The following LRRC7 variants were observed in gnomAD, a reference collection of about 807,000 sequenced individuals.
The protein encoded by LRRC7 is leucine rich repeat containing 7, also known as leucine-rich repeat-containing protein 7.
LRRC7 carries 23 observed loss-of-function variants against 175.7 expected under a neutral mutation model. The observed-to-expected ratio is 0.13, with a 90% CI of 0.09 to 0.19. LRRC7 has a LOEUF of 0.19. LRRC7 is among the 10% of genes least tolerant of loss of function. The pLI is 1.00. For synonymous variants in LRRC7, 685 were observed against 680.9 expected, an observed-to-expected ratio of 1.01 and a Z score of -0.09; for missense variants, 1,354 against 1,904.7, an observed-to-expected ratio of 0.71 and a Z score of 5.38.
At chr1:69,738,453 C>A (rs1051038899) in intron 2 of LRRC7, among the ~76,000 whole-genome samples, 2 of 151,940 alleles carry the variant, frequency 1.3e-5, no homozygotes, top group African/African-American at 2.4e-5. Flanking sequence ...TCTTTTTACT[C>A]CTTTCCTTGT....
chr1:69,806,928 T>A (rs1005861333), intron 4 of LRRC7, among the ~76,000 whole-genome samples: 5 of 152,004 alleles, frequency 3.3e-5, no homozygotes, highest in African/African-American at 1.2e-4. Context: ...AGGAGGCATC[T>A]CTTCTTACTT....
intron 8 of LRRC7, among the ~76,000 whole-genome samples, chr1:69,971,780 T>G (rs1652260552): frequency 6.6e-6 from 1 of 152,022 alleles, no homozygotes; most frequent in Non-Finnish European, 1.5e-5. Context: ...ATCCTAAAAT[T>G]CATATGGAAC....
intron 11 of LRRC7, among the ~76,000 whole-genome samples, chr1:69,996,759 T>G (rs1440236317): frequency 6.6e-6 from 1 of 151,838 alleles, no homozygotes; most frequent in Non-Finnish European, 1.5e-5. Context: ...TTGATCTATA[T>G]CTCTGTTTTG....
intron 2 of LRRC7, among the ~76,000 whole-genome samples, chr1:69,709,220 T>C (rs1326733282): frequency 6.6e-6 from 1 of 152,240 alleles, no homozygotes; most frequent in Non-Finnish European, 1.5e-5. Flanking sequence ...TTCTCCTTCA[T>C]GTCACAGTTC....
At chr1:69,708,133 T>C (rs956657562) in intron 2 of LRRC7, among the ~76,000 whole-genome samples, 1 of 152,160 alleles carries the variant, frequency 6.6e-6, no homozygotes, top group South Asian at 2.1e-4. Context: ...CTGATGTCCA[T>C]CAGCACCCTT....
chr1:70,046,192 G>A (rs922920758), intron 22 of LRRC7, among the ~76,000 whole-genome samples: 24 of 152,020 alleles, frequency 1.6e-4, no homozygotes, highest in African/African-American at 5.6e-4. Flanking sequence ...TACAGTATCT[G>A]AAAATGCCAA....
chr1:69,678,644 T>C (rs959213612), intron 2 of LRRC7, among the ~76,000 whole-genome samples, 166 bp downstream of exon 2: 1 of 152,146 alleles, frequency 6.6e-6, no homozygotes, highest in Admixed American at 6.6e-5. Context: ...TGTAAGTGCT[T>C]ACTTAGAACA....
chr1:69,811,609 T>C (rs1016747947), intron 4 of LRRC7, among the ~76,000 whole-genome samples: 18 of 152,182 alleles, frequency 1.2e-4, no homozygotes, highest in Non-Finnish European at 2.5e-4. Flanking sequence ...GATAAGTTCA[T>C]GTCCTTTGCC....
intron 2 of LRRC7, among the ~76,000 whole-genome samples, chr1:69,741,446 G>T (rs553475265): frequency 6.6e-6 from 1 of 151,800 alleles, no homozygotes; most frequent in Non-Finnish European, 1.5e-5. Context: ...GAAAAGAAGA[G>T]AAAATGAAAA....
At position 69,613,405 on chromosome 1, in the gene LRRC7, T is replaced by C. The variant is rs549520455; in HGVS notation, c.2+44764T>C. On this transcript the variant is annotated intron_variant, in intron 1 of 26. Transcript: ENST00000651989. ...ACCTCTAGATATTAGTATCATTACA[T>C]TGGGGGTGAGGATTTCAACATATGA... 3.5e-4 allele frequency among the ~76,000 whole-genome samples: 54 copies of C among 152,142 alleles called. No individual in the cohort carries two copies. In the South Asian group the frequency reaches 8.3e-3, roughly 23 times the overall value.
intron 1 of LRRC7, chr1:69,607,304 C>T (rs1357895433): frequency 1.3e-5 from 2 of 152,050 alleles, no homozygotes; most frequent in African/African-American, 4.8e-5. Context: ...CACTAGGGCT[C>T]ATCTCAGACT....
rs1261138806 is a variant in LRRC7 at position 69,754,150 on chromosome 1, A to C, written c.101-6041A>C. ...ATATCGTACTTGGTAGGTCATAGGAAAAATTTTGGACTTTACTTTGAGGAC... is the reference window on the plus strand; with the variant it reads ...ATATCGTACTTGGTAGGTCATAGGACAAATTTTGGACTTTACTTTGAGGAC... On this transcript the variant is annotated intron_variant, in intron 2 of 26. Coordinates refer to ENST00000651989, the MANE Select transcript of LRRC7 (RefSeq NM_001370785.2). 2.6e-5 allele frequency among the ~76,000 whole-genome samples: 4 copies of C among 152,190 alleles called. 1 individual carries two copies. Among genetic ancestry groups the C allele is most frequent in the Admixed American group, 6.6e-5 (1 of 15,248 alleles).
intron 1 of LRRC7, among the ~76,000 whole-genome samples, chr1:69,614,665 C>T (rs1649339467): frequency 6.6e-6 from 1 of 152,024 alleles, no homozygotes; most frequent in South Asian, 2.1e-4. Context: ...CCTTTCTTGG[C>T]ACTGATTTAC....
chr1:69,784,230 A>G (rs1200645725), intron 3 of LRRC7, among the ~76,000 whole-genome samples: 1 of 152,218 alleles, frequency 6.6e-6, no homozygotes, highest in Non-Finnish European at 1.5e-5. Context: ...TTGTAAAAGC[A>G]TAAACAGAAG....
chr1:70,039,392 C>T lies in LRRC7; in HGVS notation c.3568C>T (p.Leu1190=). ...RYGRPPYRGG[L]DRQSSVTVTE... ...CGGCAGACCCCCATATAGGGGAGGG[C>T]TGGATCGCCAAAGCAGCGTTACAGT... The change falls in exon 21 of 27, where the codon CTG becomes TTG. Residue 1190 remains leucine, a synonymous_variant. Coordinates refer to ENST00000651989, the MANE Select transcript of LRRC7 (RefSeq NM_001370785.2). 1 of 1,614,076 alleles carries T rather than the reference C, an allele frequency of 6.2e-7. No individual in the cohort carries two copies. The highest frequency in any genetic ancestry group is 1.1e-5 in the South Asian group (1 of 91,084).
At chr1:69,619,974 A>G (rs1284807038) in intron 1 of LRRC7, among the ~76,000 whole-genome samples, 1 of 152,232 alleles carries the variant, frequency 6.6e-6, no homozygotes, top group Non-Finnish European at 1.5e-5. Context: ...TTGATTGCAG[A>G]TTCTATCTTG....
intron 3 of LRRC7, among the ~76,000 whole-genome samples, chr1:69,789,965 G>A (rs890775224): frequency 6.6e-6 from 1 of 151,864 alleles, no homozygotes; most frequent in African/African-American, 2.4e-5. Flanking sequence ...AATATTCAAG[G>A]CCATTGATTA....
chr1:69,722,758 A>G (rs1666499146), intron 2 of LRRC7, among the ~76,000 whole-genome samples: 1 of 152,052 alleles, frequency 6.6e-6, no homozygotes, highest in Admixed American at 6.6e-5. Context: ...ATACTCTTCT[A>G]TAAATTGTAT....
intron 7 of LRRC7, among the ~76,000 whole-genome samples, chr1:69,928,778 G>A (rs554532746): frequency 2.4e-4 from 36 of 152,286 alleles, no homozygotes; most frequent in African/African-American, 8.2e-4. Flanking sequence ...GCAATGCCTC[G>A]CCCTGCTTCG....
Sources: gnomAD v4.1 joint callset for allele counts (sites outside exome capture counted in the v4.1 genomes callset) on GRCh38, gnomAD v4.1.1 for gene constraint, MANE v1.5 for transcripts, NCBI Gene and HGNC (gene_info 2026-07-23, HGNC 2026-07-21) for gene names.